The following TRHDE variants were observed in gnomAD, a reference collection of about 807,000 sequenced individuals.
The protein encoded by TRHDE is thyrotropin releasing hormone degrading enzyme, also known as thyrotropin-releasing hormone-degrading ectoenzyme.
A neutral mutation model predicts 125.7 loss-of-function variants in TRHDE; 72 were observed. That is an observed-to-expected ratio of 0.57 (90% CI 0.47 to 0.70). The LOEUF (loss-of-function observed/expected upper bound fraction) is 0.70, where lower values mean the gene tolerates loss of function less well. Ranked by LOEUF, TRHDE falls within the 30% of genes least tolerant of loss-of-function variation. TRHDE has a pLI of 0.00. For synonymous variants in TRHDE, 509 were observed against 509.1 expected (o/e 1.00, Z 0.00); for missense variants, 1,110 against 1,327.1 (o/e 0.84, Z 2.54).
intron 2 of TRHDE, among the ~76,000 whole-genome samples, chr12:72,213,077 TC>T (rs540889468): frequency 8.5e-4 from 129 of 152,254 alleles, no homozygotes; most frequent in African/African-American, 2.9e-3. Context: ...AAGAAGATAG[TC>T]ACAAAAGATT....
intron 2 of TRHDE, among the ~76,000 whole-genome samples, chr12:72,291,455 G>C (rs1305378035): frequency 6.6e-6 from 1 of 152,206 alleles, no homozygotes; most frequent in South Asian, 2.1e-4. Flanking sequence ...TGGGCTCTTT[G>C]TTTTGCCTTC....
At chr12:72,315,073 A>G (rs547572684) in intron 2 of TRHDE, among the ~76,000 whole-genome samples, 86 of 152,202 alleles carry the variant, frequency 5.7e-4, no homozygotes, top group Non-Finnish European at 9.1e-4. Flanking sequence ...TGATTTCTTA[A>G]CATTTATTCA....
intron 2 of TRHDE, among the ~76,000 whole-genome samples, chr12:72,355,843 A>G (rs776995180): frequency 4.6e-5 from 7 of 151,920 alleles, no homozygotes; most frequent in Non-Finnish European, 1.0e-4. Flanking sequence ...AATCAAAACC[A>G]TATTGAGAAA....
chr12:72,305,668 CT>C (rs1377860215), intron 2 of TRHDE, among the ~76,000 whole-genome samples: 1 of 152,152 alleles, frequency 6.6e-6, no homozygotes, highest in Non-Finnish European at 1.5e-5. Context: ...CCATTATTAA[CT>C]GGTTGGGCAA....
chr12:72,297,392 G>C (rs2135681358), intron 2 of TRHDE, among the ~76,000 whole-genome samples: 1 of 152,266 alleles, frequency 6.6e-6, no homozygotes, highest in African/African-American at 2.4e-5. Flanking sequence ...GGGTGAGTTG[G>C]TGGAATTTTA....
At chr12:72,250,577 C>G (rs563961705) in intron 2 of TRHDE, among the ~76,000 whole-genome samples, 11 of 152,036 alleles carry the variant, frequency 7.2e-5, no homozygotes, top group Admixed American at 2.6e-4. Flanking sequence ...CAAAAGGCAA[C>G]TTAAAAAATC....
intron 2 of TRHDE, among the ~76,000 whole-genome samples, chr12:72,157,437 A>T (rs569829480): frequency 1.2e-4 from 19 of 152,342 alleles, no homozygotes; most frequent in African/African-American, 4.3e-4. Context: ...TTAGGAGGCC[A>T]TTATAATAGT....
At chr12:72,421,754 T>G (rs986588461) in intron 3 of TRHDE, among the ~76,000 whole-genome samples, 3 of 152,178 alleles carry the variant, frequency 2.0e-5, no homozygotes, top group Non-Finnish European at 4.4e-5. Flanking sequence ...TGAGTTAAAG[T>G]GGAAACATCT....
chr12:72,270,113 T>C (rs945065657), upstream of TRHDE, among the ~76,000 whole-genome samples: 1 of 152,222 alleles, frequency 6.6e-6, no homozygotes, highest in Non-Finnish European at 1.5e-5. Context: ...CTATAGTTCC[T>C]GATTCTGTGA....
chr12:72,633,838 A>C (rs1277871863), intron 15 of TRHDE, among the ~76,000 whole-genome samples: 1 of 152,130 alleles, frequency 6.6e-6, no homozygotes, highest in Non-Finnish European at 1.5e-5. Context: ...CATATTATCA[A>C]TCATGTTTTT....
At chr12:72,563,528 A>G (rs1466076026) in intron 9 of TRHDE, among the ~76,000 whole-genome samples, 5 of 152,218 alleles carry the variant, frequency 3.3e-5, no homozygotes, top group Non-Finnish European at 7.3e-5. Flanking sequence ...GCCACTTAGT[A>G]TCAACATATT....
intron 12 of TRHDE, among the ~76,000 whole-genome samples, chr12:72,606,830 C>A (rs905055142): frequency 3.3e-5 from 5 of 152,074 alleles, no homozygotes; most frequent in African/African-American, 1.2e-4. Flanking sequence ...CCCCATCCAA[C>A]CTTTTATACT....
intron 6 of TRHDE, among the ~76,000 whole-genome samples, chr12:72,500,397 T>C (rs955701394): frequency 5.3e-5 from 8 of 151,224 alleles, no homozygotes; most frequent in Admixed American, 2.0e-4. Context: ...TTCTATGTAC[T>C]TTTTTTTTCT....
chr12:72,172,415 A>G (rs1467259541), intron 2 of TRHDE, among the ~76,000 whole-genome samples: 1 of 152,220 alleles, frequency 6.6e-6, no homozygotes, highest in Non-Finnish European at 1.5e-5. Context: ...CTCATCTTAA[A>G]TATGAGGCAA....
At chr12:72,364,315 C>T (rs552655795) in intron 2 of TRHDE, among the ~76,000 whole-genome samples, 51 of 152,076 alleles carry the variant, frequency 3.4e-4, no homozygotes, top group African/African-American at 1.1e-3. Context: ...AACCTATATC[C>T]GTGTTACTTA....
chr12:72,191,550 G>C lies in TRHDE; in HGVS notation n.279+85798G>C, dbSNP rs547604699. On this transcript the variant is annotated intron_variant and non_coding_transcript_variant, in intron 2 of 4. Transcript: ENST00000548156. ...ATATCCTAAAATTCTGCAGACAACT[G>C]TTTACATACGAGTAAAGGTAATTTT... Among the ~76,000 whole-genome samples the C allele has an allele frequency of 3.7e-4, 57 of 152,112 alleles. 1 individual carries two copies. The highest frequency in any genetic ancestry group is 6.9e-4 in the Non-Finnish European group (47 of 68,018).
At position 72,659,170 on chromosome 12, in the gene TRHDE, G is replaced by C. The variant is rs561094308; in HGVS notation, c.3066+2162G>C. 1.7e-4 allele frequency among the ~76,000 whole-genome samples: 26 copies of C among 152,318 alleles called. No homozygotes were observed. The East Asian group carries it at 4.2e-3, about 25-fold the overall frequency. On this transcript the variant is annotated intron_variant, in intron 18 of 18. Coordinates refer to ENST00000261180, the MANE Select transcript of TRHDE (RefSeq NM_013381.3). ...TCCTCATCAGCTTTAGGTGGATTCA[G>C]TAAAGACGCTTACATTGTTCCATGG...
chr12:72,152,415 C>G (rs1876390522), intron 2 of TRHDE, among the ~76,000 whole-genome samples: 1 of 151,946 alleles, frequency 6.6e-6, no homozygotes, highest in Admixed American at 6.6e-5. Flanking sequence ...TTGCCCTGGC[C>G]AGAACTTCCA....
At chr12:72,435,566 GA>G (rs367591114) in intron 3 of TRHDE, among the ~76,000 whole-genome samples, 180 of 149,200 alleles carry the variant, frequency 1.2e-3, no homozygotes, top group African/African-American at 4.1e-3. Flanking sequence ...TATTTTTATT[GA>G]AAAAAAATCC....
Sources: gnomAD v4.1 joint callset for allele counts (sites outside exome capture counted in the v4.1 genomes callset) on GRCh38, gnomAD v4.1.1 for gene constraint, MANE v1.5 for transcripts, NCBI Gene and HGNC (gene_info 2026-07-23, HGNC 2026-07-21) for gene names.